CLN8: variants seen among roughly 807,000 people sequenced by gnomAD.
CLN8 encodes the protein CLN8 transmembrane ER and ERGIC protein.
A neutral mutation model predicts 15.7 loss-of-function variants in CLN8; 14 were observed. The ratio of observed to expected loss-of-function variants is 0.89; its 90% CI spans 0.59 to 1.39. CLN8 has a LOEUF of 1.39. Among genes scored for constraint, CLN8 ranks in the 40% most tolerant of loss-of-function variants. The pLI is 0.00. For synonymous variants in CLN8, 188 were observed against 151.0 expected (o/e 1.25, Z -1.80); for missense variants, 415 against 364.0 (o/e 1.14, Z -1.14).
chr8:1,781,365 C>CA lies in CLN8; in HGVS notation c.*819dup, dbSNP rs749299552. Reference sequence around the variant, plus strand: ...TGGGTGACAGAGCAAGACTCTCTCTCAAAAAAAAAAAAAAAAAAAAATTCT... The same window carrying CA: ...TGGGTGACAGAGCAAGACTCTCTCTCAAAAAAAAAAAAAAAAAAAAAATTCT... On this transcript the variant is annotated 3_prime_UTR_variant, in exon 3 of 3. Transcript: ENST00000331222. The CA allele has an allele frequency of 0.11, 8,687 of 80,714 alleles. 425 individuals are homozygous for CA. Among genetic ancestry groups the CA allele is most frequent in the African/African-American group, 0.13 (2,885 of 22,216 alleles). 5.0% of individuals were successfully genotyped at this position (80,714 alleles called of 1,614,324 possible). A position where few individuals can be genotyped will look rare whatever the true frequency, so the allele number is the denominator to read the frequency against.
chr8:1,780,210 G>T lies in CLN8; in HGVS notation c.544-40G>T. On this transcript the variant is annotated intron_variant, in intron 2 of 2. Transcript: ENST00000331222. ...GTGATGTGAAGAATGAATTTTGGCA[G>T]TTTCGCATTGACTTGTGCATTTGTC... 2 of 1,614,214 alleles carry T rather than the reference G, an allele frequency of 1.2e-6. 1 individual carries two copies. The highest frequency in any genetic ancestry group is 3.3e-4 in the Middle Eastern group (2 of 6,062).
intron 1 of CLN8, 105 bp downstream of exon 1, chr8:1,763,990 G>T: frequency 1.2e-5 from 1 of 80,648 alleles, no homozygotes; most frequent in African/African-American, 3.9e-5. Flanking sequence ...CAGGTGAGGG[G>T]CAGCCCAGGT....
At chr8:1,758,951 T>A (rs1368837478), upstream of CLN8, 2 of 152,192 alleles carry the variant, frequency 1.3e-5, no homozygotes, top group Non-Finnish European at 2.9e-5. Flanking sequence ...GATTTTCCCC[T>A]CAAGAGACAG....
intron 1 of CLN8, 122 bp from the exon 2 acceptor site, chr8:1,770,810 G>A (rs924823645): frequency 5.1e-6 from 3 of 592,326 alleles, no homozygotes; most frequent in South Asian, 4.1e-5. Context: ...ATGCACCCTT[G>A]TAAGTTCATT....
rs1305212794 is a variant in CLN8 at position 1,784,898 on chromosome 8, C to A, written c.*4331C>A. The A allele has an allele frequency of 6.6e-6, 1 of 152,380 alleles. No homozygotes were observed. The highest frequency in any genetic ancestry group is 1.5e-5 in the Non-Finnish European group (1 of 68,180). The allele number at this position is 152,380 out of a possible 1,614,324, so 9.4% of individuals were successfully genotyped here. ...TGTCCTCAGTAGAGAACGGTGGCCA[C>A]TGGAAACGTGTGGCCAGAAGGGGAA... On this transcript the variant is annotated 3_prime_UTR_variant, in exon 3 of 3. Transcript: ENST00000331222.
Position 1,771,414 on chromosome 8 carries a change from A to G in CLN8, c.360A>G (p.Ala120=), listed in dbSNP as rs2130991953. The change falls in exon 2 of 3, where the codon GCA becomes GCG. Residue 120 remains alanine (A), a synonymous_variant. Transcript: ENST00000331222. ...GATTCTTTTGCTTTGAAAATGTTGC[A>G]GTCCACCTGTCCAACTTGATCTTCC... ...ATGFFCFENV[A]VHLSNLIFRT... 1 of 1,614,170 alleles carries G rather than the reference A, an allele frequency of 6.2e-7. No homozygotes were observed. Among genetic ancestry groups the G allele is most frequent in the Non-Finnish European group, 8.5e-7 (1 of 1,180,020 alleles).
chr8:1,757,507 C>G (rs1037915428), intron 1 of CLN8, among the ~76,000 whole-genome samples: 1 of 152,202 alleles, frequency 6.6e-6, no homozygotes, highest in Non-Finnish European at 1.5e-5. Context: ...GTGGCACAGT[C>G]TCAGTTCACT....
chr8:1,771,737 T>C (rs773866313), intron 2 of CLN8, 140 bp downstream of exon 2: 47 of 774,098 alleles, frequency 6.1e-5, no homozygotes, highest in Middle Eastern at 2.9e-4. Flanking sequence ...TTTAGTTGAA[T>C]GCAATATTCT....
chr8:1,754,461 G>C (rs1299919602), upstream of CLN8, among the ~76,000 whole-genome samples: 10 of 152,038 alleles, frequency 6.6e-5, no homozygotes, highest in East Asian at 1.9e-3. Flanking sequence ...TATTTGTTTT[G>C]AATATCTTTA....
rs3812477 is a variant in CLN8, at chr8:1,786,286, C to A, written c.*5719C>A. 6.6e-6 allele frequency: 1 copy of A among 152,040 alleles called. No individual in the cohort carries two copies. Among genetic ancestry groups the A allele is most frequent in the Non-Finnish European group, 1.5e-5 (1 of 68,028 alleles). 9.4% of individuals were successfully genotyped at this position (152,040 alleles called of 1,614,324 possible). A position where few individuals can be genotyped will look rare whatever the true frequency, so the allele number is the denominator to read the frequency against. On this transcript the variant is annotated 3_prime_UTR_variant, in exon 3 of 3. Coordinates refer to ENST00000331222, the MANE Select transcript of CLN8 (RefSeq NM_018941.4). Reference sequence around the variant, plus strand: ...AGCCTTGTCACAGATGCATCGCCCACCCTGCGGTCCTGATTTCAGCTCACC... The same window carrying A: ...AGCCTTGTCACAGATGCATCGCCCAACCTGCGGTCCTGATTTCAGCTCACC...
intron 1 of CLN8, among the ~76,000 whole-genome samples, chr8:1,758,043 A>G (rs1396123014): frequency 6.6e-6 from 1 of 152,144 alleles, no homozygotes; most frequent in Non-Finnish European, 1.5e-5. Flanking sequence ...CACCCAGCAT[A>G]GAGATCACCA....
chr8:1,757,346 G>A (rs900602283), intron 1 of CLN8, among the ~76,000 whole-genome samples: 10 of 152,322 alleles, frequency 6.6e-5, no homozygotes, highest in African/African-American at 9.6e-5. Flanking sequence ...ATGTCCCCAC[G>A]GGAGGGGGCG....
rs1030370981 is a variant in CLN8 at position 1,783,466 on chromosome 8, T to G, written c.*2899T>G. ...GTGGCTCTCCAGCTTGGCTTCAGTGTGATCACTTGTCAGTGCGCTTTCTCT... is the reference window on the plus strand; with the variant it reads ...GTGGCTCTCCAGCTTGGCTTCAGTGGGATCACTTGTCAGTGCGCTTTCTCT... On this transcript the variant is annotated 3_prime_UTR_variant, in exon 3 of 3. Coordinates refer to ENST00000331222, the MANE Select transcript of CLN8 (RefSeq NM_018941.4). 5 of 152,382 alleles carry G rather than the reference T, an allele frequency of 3.3e-5. No individual in the cohort carries two copies. The highest frequency in any genetic ancestry group is 3.4e-3 in the Middle Eastern group (1 of 294). The allele number at this position is 152,382 out of a possible 1,614,324, so 9.4% of individuals were successfully genotyped here. A position where few individuals can be genotyped will look rare whatever the true frequency, so the allele number is the denominator to read the frequency against.
chr8:1,753,513 G>A (rs1175019007), upstream of CLN8, among the ~76,000 whole-genome samples: 1 of 144,754 alleles, frequency 6.9e-6, no homozygotes, highest in Non-Finnish European at 1.5e-5. Flanking sequence ...GGAGGTTGCA[G>A]TGAGCCAAGA....
rs1430099445 is a variant in CLN8, at chr8:1,785,670, G to A, written c.*5103G>A. 2 of 111,770 alleles carry A rather than the reference G, an allele frequency of 1.8e-5. No homozygotes were observed. Among genetic ancestry groups the A allele is most frequent in the Non-Finnish European group, 3.8e-5 (2 of 53,284 alleles). The allele number at this position is 111,770 out of a possible 1,614,324, so 6.9% of individuals were successfully genotyped here. A position where few individuals can be genotyped will look rare whatever the true frequency, so the allele number is the denominator to read the frequency against. ...CCGGTCAGATTACGGTGACACAGGC[G>A]GCGTGGGGTTAGACAGGTACCGGTC... On this transcript the variant is annotated 3_prime_UTR_variant, in exon 3 of 3. Coordinates refer to ENST00000331222, the MANE Select transcript of CLN8 (RefSeq NM_018941.4).
chr8:1,785,295 T>G lies in CLN8; in HGVS notation c.*4728T>G, dbSNP rs1801804466. On this transcript the variant is annotated 3_prime_UTR_variant, in exon 3 of 3. Coordinates refer to ENST00000331222, the MANE Select transcript of CLN8 (RefSeq NM_018941.4). ...GGGGTTAGACAGGTACCGGTCAGACTACGGTGACACAGGCGGCGTGCGGTT... is the reference window on the plus strand; with the variant it reads ...GGGGTTAGACAGGTACCGGTCAGACGACGGTGACACAGGCGGCGTGCGGTT... The G allele has an allele frequency of 5.3e-6, 1 of 189,194 alleles. No homozygotes were observed. The highest frequency in any genetic ancestry group is 5.7e-5 in the Admixed American group (1 of 17,674). 11.7% of individuals were successfully genotyped at this position (189,194 alleles called of 1,614,324 possible). A position where few individuals can be genotyped will look rare whatever the true frequency, so the allele number is the denominator to read the frequency against.
chr8:1,776,168 T>C (rs913778086), intron 2 of CLN8, among the ~76,000 whole-genome samples: 2 of 151,766 alleles, frequency 1.3e-5, no homozygotes, highest in African/African-American at 4.8e-5. Context: ...ACACAAATGA[T>C]GACAAAAGAT....
upstream of CLN8, among the ~76,000 whole-genome samples, chr8:1,754,898 G>A (rs971714090): frequency 2.6e-5 from 4 of 152,202 alleles, no homozygotes; most frequent in Admixed American, 2.0e-4. Flanking sequence ...GAAGCAGGCC[G>A]GAAGTTCTTT....
At chr8:1,753,832 G>A (rs949751423), upstream of CLN8, among the ~76,000 whole-genome samples, 6 of 151,622 alleles carry the variant, frequency 4.0e-5, no homozygotes, top group Admixed American at 3.9e-4. Context: ...GTTGCACTGA[G>A]CTGAGATCGC....
Sources: allele counts gnomAD v4.1 joint callset (sites outside exome capture counted in the v4.1 genomes callset), GRCh38; gene constraint gnomAD v4.1.1; transcripts MANE v1.5; gene names NCBI Gene and HGNC (gene_info 2026-07-23, HGNC 2026-07-21).